The following CYP24A1 variants were observed in gnomAD, a reference collection of about 807,000 sequenced individuals.
CYP24A1 encodes the protein 1,25-dihydroxyvitamin D(3) 24-hydroxylase, mitochondrial.
A neutral mutation model predicts 62.4 loss-of-function variants in CYP24A1; 68 were observed. The observed-to-expected ratio is 1.09, with a 90% CI of 0.90 to 1.33. The LOEUF (loss-of-function observed/expected upper bound fraction) is 1.33, where lower values mean the gene tolerates loss of function less well. CYP24A1 is among the 40% of genes most tolerant of loss of function. CYP24A1 has a pLI of 0.00. For synonymous variants in CYP24A1, 267 were observed against 253.0 expected (o/e 1.06, Z -0.52); for missense variants, 787 against 653.0 (o/e 1.21, Z -2.24).
intron 3 of CYP24A1, among the ~76,000 whole-genome samples, chr20:54,171,201 C>A (rs1272416300): frequency 6.6e-6 from 1 of 152,098 alleles, no homozygotes; most frequent in East Asian, 1.9e-4. Flanking sequence ...CACAGCAAAC[C>A]CGTGGGGTGG....
intron 7 of CYP24A1, 122 bp from the exon 8 acceptor site, chr20:54,159,245 G>A (rs1244581231): frequency 3.8e-6 from 3 of 780,158 alleles, no homozygotes; most frequent in Non-Finnish European, 6.8e-6. Flanking sequence ...GCTCTTTCAC[G>A]CGTCCTTATA....
At chr20:54,143,964 A>G in the CYP24A1 span, among the ~76,000 whole-genome samples, 1 of 152,214 alleles carries the variant, frequency 6.6e-6, no homozygotes, top group Non-Finnish European at 1.5e-5. Context: ...TTTTCTAGAA[A>G]AAAATGTAAA....
At chr20:54,155,989 G>A (rs1191276421) in intron 11 of CYP24A1, among the ~76,000 whole-genome samples, 1 of 152,158 alleles carries the variant, frequency 6.6e-6, no homozygotes, top group Non-Finnish European at 1.5e-5. Flanking sequence ...AAGTTGTGGA[G>A]GGAACATGAG....
intron 4 of CYP24A1, among the ~76,000 whole-genome samples, chr20:54,169,378 A>G (rs114841095): frequency 7.7e-4 from 118 of 152,346 alleles, no homozygotes; most frequent in African/African-American, 2.7e-3. Context: ...TGCCAGACAC[A>G]CAGCAAGTAT....
intron 2 of CYP24A1, 99 bp downstream of exon 2, chr20:54,172,810 C>T: frequency 6.3e-7 from 1 of 1,592,916 alleles, no homozygotes; most frequent in Middle Eastern, 1.8e-4. Context: ...AAGAAGCTTC[C>T]AACCCCAGGG....
intron 3 of CYP24A1, among the ~76,000 whole-genome samples, chr20:54,171,186 A>G (rs1299168915): frequency 2.0e-5 from 3 of 152,206 alleles, no homozygotes; most frequent in African/African-American, 4.8e-5. Context: ...ATCTCATTTA[A>G]TTCTCACAGC....
At chr20:54,165,860 A>G in intron 4 of CYP24A1, 27 bp from the exon 5 acceptor site, 1 of 1,019,198 alleles carries the variant, frequency 9.8e-7, no homozygotes. Context: ...TCATCACTTT[A>G]CACAAACAGC....
rs138141685 is a variant in CYP24A1 at position 54,157,242 on chromosome 20, C to T, written c.1482G>A (p.Glu494=). 2.5e-5 allele frequency: 41 copies of T among 1,613,396 alleles called. No homozygotes were observed. Among genetic ancestry groups the T allele is most frequent in the Non-Finnish European group, 3.1e-5 (37 of 1,179,484 alleles). ...DIQATDNEPV[E]MLHSGTLVPS... ...GCACCAGGGTGCCTGAGTGTAGCAT[C>T]TCAACAGGCTCATTGTCTGTGGCCT... Residue 494 remains glutamate (E), a synonymous_variant, in exon 11 of 12, where the codon GAG becomes GAA. Transcript: ENST00000216862.
At position 54,173,756 on chromosome 20, in the gene CYP24A1, T is replaced by A. The variant is rs895978187; in HGVS notation, c.-177A>T. 3.8e-5 allele frequency: 23 copies of A among 609,158 alleles called. 1 individual carries two copies. In the South Asian group the frequency reaches 4.4e-4, roughly 12 times the overall value. 37.7% of individuals were successfully genotyped at this position (609,158 alleles called of 1,614,324 possible). On this transcript the variant is annotated 5_prime_UTR_variant, in exon 1 of 12. Transcript: ENST00000216862. The surrounding 1 kb of genome is among the most constrained non-coding windows in gnomAD (Gnocchi z 7.2). ...GCAGCAGAAAGGACCTCGGCGAGGA[T>A]GCTCGACGCTGCACCACGCGACAGC... is the stretch of plus-strand genomic sequence containing the variant.
chr20:54,170,730 G>C (rs958202305), intron 3 of CYP24A1, among the ~76,000 whole-genome samples: 1 of 152,004 alleles, frequency 6.6e-6, no homozygotes, highest in African/African-American at 2.4e-5. Flanking sequence ...GCACTATCAC[G>C]TTTCCTGAAA....
At chr20:54,150,719 C>A (rs1329007779), downstream of CYP24A1, among the ~76,000 whole-genome samples, 1 of 152,200 alleles carries the variant, frequency 6.6e-6, no homozygotes, top group East Asian at 1.9e-4. Context: ...GTTTACTTAA[C>A]CTCTCTGAGC....
chr20:54,147,518 C>CA, the CYP24A1 span, among the ~76,000 whole-genome samples: 9 of 152,174 alleles, frequency 5.9e-5, no homozygotes, highest in African/African-American at 9.7e-5. Context: ...GCTCAGGGGC[C>CA]ACACAGACCA....
downstream of CYP24A1, among the ~76,000 whole-genome samples, chr20:54,152,715 G>A (rs1196917433): frequency 6.6e-6 from 1 of 152,182 alleles, no homozygotes; most frequent in Non-Finnish European, 1.5e-5. Flanking sequence ...TGAGGCCTGG[G>A]GGATCAGTGG....
rs1277098578 is a variant in CYP24A1, at chr20:54,153,765, T to C, written c.*1007A>G. On this transcript the variant is annotated 3_prime_UTR_variant, in exon 12 of 12. Transcript: ENST00000216862. The stretch of plus-strand genomic sequence containing the variant: ...TTAAGTCTTATAAGTATTGCATGCA[T>C]TTCTGTGCATTTTACATTTATGAAA... 2 of 152,672 alleles carry C rather than the reference T, an allele frequency of 1.3e-5. No individual in the cohort carries two copies. The highest frequency in any genetic ancestry group is 2.9e-5 in the Non-Finnish European group (2 of 68,038). 9.5% of individuals were successfully genotyped at this position (152,672 alleles called of 1,614,324 possible).
the CYP24A1 span, among the ~76,000 whole-genome samples, chr20:54,145,010 A>C: frequency 1.5e-5 from 2 of 133,938 alleles, no homozygotes; most frequent in African/African-American, 2.8e-5. Context: ...TGACCCTTAC[A>C]GTTGAGAATT....
intron 6 of CYP24A1, among the ~76,000 whole-genome samples, chr20:54,164,183 G>A (rs541169902): frequency 1.2e-4 from 19 of 152,230 alleles, no homozygotes; most frequent in Non-Finnish European, 2.5e-4. Context: ...TGATCTGCTC[G>A]CCTGGGCCAC....
the CYP24A1 span, among the ~76,000 whole-genome samples, chr20:54,144,287 T>C: frequency 6.6e-6 from 1 of 151,820 alleles, no homozygotes; most frequent in Non-Finnish European, 1.5e-5. Context: ...CACAGCTCAC[T>C]GTAGCCTCAA....
intron 5 of CYP24A1, among the ~76,000 whole-genome samples, chr20:54,165,429 A>G (rs1279652193): frequency 6.6e-6 from 1 of 152,228 alleles, no homozygotes; most frequent in East Asian, 1.9e-4. Flanking sequence ...GTGAGTATAT[A>G]ATAATAACAG....
chr20:54,160,654 A>G (rs146572906), intron 7 of CYP24A1, among the ~76,000 whole-genome samples: 3 of 152,360 alleles, frequency 2.0e-5, no homozygotes, highest in Non-Finnish European at 4.4e-5. Flanking sequence ...TAGCCATCAA[A>G]TTAGATACAC....
Sources: gnomAD v4.1 joint callset for allele counts (sites outside exome capture counted in the v4.1 genomes callset) on GRCh38, gnomAD v4.1.1 for gene constraint, Gnocchi (gnomAD v3.1) non-coding constraint, MANE v1.5 for transcripts, NCBI Gene and HGNC (gene_info 2026-07-23, HGNC 2026-07-21) for gene names.